The following AFG2A variants were observed in gnomAD, a reference collection of about 807,000 sequenced individuals.
AFG2A encodes AAA ATPase AFG2A, also known as ATPase family gene 2 protein homolog A.
chr4:123,076,198 T>C, the AFG2A span, among the ~76,000 whole-genome samples: 1 of 151,930 alleles, frequency 6.6e-6, no homozygotes, highest in African/African-American at 2.4e-5. Flanking sequence ...AGCCCAAGTG[T>C]TTGAGGCTGC....
At chr4:123,211,230 AAGTTTGTTTGCATTTTCAACCTG>A in the AFG2A span, among the ~76,000 whole-genome samples, 1 of 152,104 alleles carries the variant, frequency 6.6e-6, no homozygotes. Context: ...ATATATGTAA[AAGTTTGTTTGCATTTTCAACCTG>A]TATCCCTTGA....
the AFG2A span, among the ~76,000 whole-genome samples, chr4:123,160,765 A>G: frequency 1.3e-5 from 2 of 152,248 alleles, no homozygotes; most frequent in Non-Finnish European, 1.5e-5. Flanking sequence ...ATACATTCCA[A>G]GACCCCCAGT....
At chr4:122,937,139 C>T in the AFG2A span, among the ~76,000 whole-genome samples, 1 of 152,104 alleles carries the variant, frequency 6.6e-6, no homozygotes, top group Admixed American at 6.6e-5. Context: ...AACACACACC[C>T]CGTCTCAAAA....
the AFG2A span, among the ~76,000 whole-genome samples, chr4:123,277,737 G>C: frequency 6.6e-6 from 1 of 152,024 alleles, no homozygotes; most frequent in African/African-American, 2.4e-5. Flanking sequence ...ACATAATCAT[G>C]TTTTTGTTTT....
the AFG2A span, among the ~76,000 whole-genome samples, chr4:123,143,787 C>T: frequency 2.0e-5 from 3 of 148,948 alleles, no homozygotes; most frequent in Non-Finnish European, 3.0e-5. Flanking sequence ...TACTCCTGAA[C>T]CCAAAGCTTG....
chr4:122,923,166 G>C, the AFG2A span: 2 of 1,614,226 alleles, frequency 1.2e-6, no homozygotes, highest in Non-Finnish European at 1.7e-6. Flanking sequence ...AGAATAGAAA[G>C]CGGTTGAACC....
chr4:123,039,865 G>C, the AFG2A span, among the ~76,000 whole-genome samples: 2 of 151,954 alleles, frequency 1.3e-5, no homozygotes, highest in African/African-American at 4.8e-5. Flanking sequence ...TGTTGAGGCA[G>C]TGCATTTTGG....
chr4:123,207,488 T>C, the AFG2A span, among the ~76,000 whole-genome samples: 1 of 151,880 alleles, frequency 6.6e-6, no homozygotes, highest in African/African-American at 2.4e-5. Flanking sequence ...TAATTTTTGG[T>C]TTAGTTTGTT....
At chr4:123,094,451 G>C in the AFG2A span, among the ~76,000 whole-genome samples, 1 of 152,038 alleles carries the variant, frequency 6.6e-6, no homozygotes, top group African/African-American at 2.4e-5. Flanking sequence ...AATGGAGGTG[G>C]CTTAAAACAT....
At chr4:123,198,656 CT>C in the AFG2A span, among the ~76,000 whole-genome samples, 1 of 152,126 alleles carries the variant, frequency 6.6e-6, no homozygotes, top group Non-Finnish European at 1.5e-5. Flanking sequence ...GGATTGGGTC[CT>C]TTAATTGAAG....
chr4:123,157,969 C>T, the AFG2A span, among the ~76,000 whole-genome samples: 1 of 152,084 alleles, frequency 6.6e-6, no homozygotes, highest in Non-Finnish European at 1.5e-5. Context: ...CTTCCTTGTT[C>T]CCCATACGCA....
At chr4:123,050,296 G>C in the AFG2A span, among the ~76,000 whole-genome samples, 1 of 152,128 alleles carries the variant, frequency 6.6e-6, no homozygotes, top group East Asian at 1.9e-4. Context: ...TAGATGAAAT[G>C]TTCCGTAAAT....
At chr4:123,299,721 A>T in the AFG2A span, among the ~76,000 whole-genome samples, 3 of 152,196 alleles carry the variant, frequency 2.0e-5, no homozygotes, top group East Asian at 5.8e-4. Flanking sequence ...TGTAAAGTAT[A>T]TGAGTACAGT....
chr4:122,985,107 T>C, the AFG2A span, among the ~76,000 whole-genome samples: 1 of 151,700 alleles, frequency 6.6e-6, no homozygotes, highest in Non-Finnish European at 1.5e-5. Flanking sequence ...CTTCTTTTTG[T>C]TGGAAAATTT....
the AFG2A span, among the ~76,000 whole-genome samples, chr4:123,182,961 A>T: frequency 6.6e-6 from 1 of 152,224 alleles, no homozygotes; most frequent in Non-Finnish European, 1.5e-5. Flanking sequence ...AGAAAACAGA[A>T]ATAACTTAGT....
the AFG2A span, among the ~76,000 whole-genome samples, chr4:123,052,854 G>A: frequency 1.3e-5 from 2 of 152,196 alleles, no homozygotes. Flanking sequence ...TCTAAGGTAG[G>A]GAAGCTGACA....
the AFG2A span, among the ~76,000 whole-genome samples, chr4:123,197,750 G>T: frequency 6.7e-6 from 1 of 150,200 alleles, no homozygotes; most frequent in South Asian, 2.1e-4. Context: ...CCTGGGTGAC[G>T]GAGTAAGACT....
chr4:123,253,711 CT>C, the AFG2A span, among the ~76,000 whole-genome samples: 1 of 150,324 alleles, frequency 6.7e-6, no homozygotes, highest in African/African-American at 2.5e-5. Context: ...GTTTTTTCTT[CT>C]TAGGTAACTA....
At chr4:123,296,108 C>T in the AFG2A span, among the ~76,000 whole-genome samples, 25,966 of 151,170 alleles carry the variant, frequency 0.17, 2,641 homozygotes, top group African/African-American at 0.28. Context: ...TAAGTGGCTA[C>T]TAACACATGA....
Sources: allele counts gnomAD v4.1 joint callset (sites outside exome capture counted in the v4.1 genomes callset), GRCh38; gene constraint gnomAD v4.1.1; transcripts MANE v1.5; gene names NCBI Gene and HGNC (gene_info 2026-07-23, HGNC 2026-07-21).